The following PALS2 variants were observed in gnomAD, a reference collection of about 807,000 sequenced individuals.
PALS2 encodes protein associated with LIN7 2, MAGUK p55 family member.
Under a neutral mutation model 61.6 loss-of-function variants are expected in PALS2, and 27 were observed. The ratio of observed to expected loss-of-function variants is 0.44; its 90% CI spans 0.32 to 0.60. The LOEUF (loss-of-function observed/expected upper bound fraction) is 0.60, where lower values mean the gene tolerates loss of function less well. Ranked by LOEUF, PALS2 falls within the 20% of genes least tolerant of loss-of-function variation. PALS2 has a pLI of 0.05. For missense variants in PALS2, 554 were observed against 639.4 expected (o/e 0.87, Z 1.44); for synonymous variants, 236 against 218.6 (o/e 1.08, Z -0.70).
chr7:24,614,803 A>C (rs1485542063), intron 1 of PALS2, among the ~76,000 whole-genome samples: 1 of 151,962 alleles, frequency 6.6e-6, no homozygotes, highest in African/African-American at 2.4e-5. Flanking sequence ...TCAGCACATG[A>C]AACATTTTCT....
chr7:24,581,560 G>A (rs1467203029), intron 1 of PALS2, among the ~76,000 whole-genome samples: 1 of 152,150 alleles, frequency 6.6e-6, no homozygotes, highest in African/African-American at 2.4e-5. Context: ...TTCTAAGTCA[G>A]TATTTCTCAA....
chr7:24,678,390 A>G (rs1466626672), intron 9 of PALS2, among the ~76,000 whole-genome samples: 5 of 152,194 alleles, frequency 3.3e-5, no homozygotes, highest in African/African-American at 1.2e-4. Context: ...ATAGACCATA[A>G]TAATAATGAG....
chr7:24,685,056 T>C (rs939222758), intron 11 of PALS2, among the ~76,000 whole-genome samples: 1 of 152,090 alleles, frequency 6.6e-6, no homozygotes, highest in Non-Finnish European at 1.5e-5. Flanking sequence ...CAACCCATCA[T>C]CTAGGTATTT....
At position 24,618,182 on chromosome 7, in the gene PALS2, A is replaced by G. The variant is rs552440056; in HGVS notation, c.-2-5484A>G. ...CACCATGGGGACATGTCAGCTGCTC[A>G]GTTGCTCAGGGACCTCTGCTGCTCA... is the stretch of plus-strand genomic sequence containing the variant. On this transcript the variant is annotated intron_variant, in intron 1 of 11. Transcript: ENST00000222644. The surrounding 1 kb of genome is among the most constrained non-coding windows in gnomAD (Gnocchi z 5.1). Among the ~76,000 whole-genome samples the G allele has an allele frequency of 1.3e-5, 2 of 152,166 alleles. No individual in the cohort carries two copies. Among genetic ancestry groups the G allele is most frequent in the Non-Finnish European group, 2.9e-5 (2 of 68,016 alleles).
chr7:24,676,255 A>G (rs1562660262), intron 9 of PALS2, among the ~76,000 whole-genome samples: 1 of 151,554 alleles, frequency 6.6e-6, no homozygotes, highest in Non-Finnish European at 1.5e-5. Context: ...GTTTGAGTTC[A>G]TTGTAGATTC....
chr7:24,599,717 C>T (rs1783649102), intron 1 of PALS2, among the ~76,000 whole-genome samples: 1 of 151,848 alleles, frequency 6.6e-6, no homozygotes, highest in Non-Finnish European at 1.5e-5. Context: ...GTTGGCCAGG[C>T]TGGTCTTGAA....
intron 1 of PALS2, among the ~76,000 whole-genome samples, chr7:24,581,579 G>A (rs1782847756): frequency 6.6e-6 from 1 of 152,158 alleles, no homozygotes; most frequent in Non-Finnish European, 1.5e-5. Flanking sequence ...AATCAGGGAT[G>A]ATTTTGCTGA....
intron 1 of PALS2, among the ~76,000 whole-genome samples, chr7:24,601,193 A>G (rs762911751): frequency 2.1e-4 from 32 of 152,058 alleles, no homozygotes; most frequent in Non-Finnish European, 4.6e-4. Context: ...TACTCTTCCA[A>G]TCCCTCAGTT....
chr7:24,619,022 G>T (rs1784394933), intron 1 of PALS2, among the ~76,000 whole-genome samples: 1 of 152,180 alleles, frequency 6.6e-6, no homozygotes, highest in Admixed American at 6.5e-5. Context: ...GAAAAAGCCA[G>T]CTATTTACTG....
In PALS2 at chr7:24,665,695, G is replaced by A. The variant is rs979028405; in HGVS notation, c.883+8G>A. On this transcript the variant is annotated splice_region_variant and intron_variant, in intron 7 of 11. Coordinates refer to ENST00000222644, the MANE Select transcript of PALS2 (RefSeq NM_001303037.2). ...GAGACTGGGACAATTCAGGTGATGA[G>A]CTCGACACAATAAGTAACAAGCAGT... 1.9e-6 allele frequency: 3 copies of A among 1,608,438 alleles called. No individual in the cohort carries two copies. Among genetic ancestry groups the A allele is most frequent in the Admixed American group, 3.3e-5 (2 of 59,960 alleles).
chr7:24,578,175 T>A (rs1290603973), intron 1 of PALS2, among the ~76,000 whole-genome samples: 1 of 152,106 alleles, frequency 6.6e-6, no homozygotes, highest in Non-Finnish European at 1.5e-5. Flanking sequence ...GCTCTCAAAC[T>A]CCTGATCTCA....
intron 9 of PALS2, among the ~76,000 whole-genome samples, chr7:24,673,755 A>T: frequency 6.6e-6 from 1 of 150,624 alleles, no homozygotes; most frequent in Non-Finnish European, 1.5e-5. Flanking sequence ...GCCTTTGCTG[A>T]TTTTCTGTAT....
chr7:24,640,068 T>G (rs1326872572), intron 2 of PALS2, among the ~76,000 whole-genome samples: 1 of 152,060 alleles, frequency 6.6e-6, no homozygotes, highest in Non-Finnish European at 1.5e-5. Context: ...CTGCCCATCT[T>G]GGCCTCCCAA....
rs190185559 is a variant in PALS2, at chr7:24,681,112, G to A, written c.1446+592G>A. On this transcript the variant is annotated intron_variant, in intron 11 of 11. Transcript: ENST00000222644. The stretch of plus-strand genomic sequence containing the variant: ...TTGAACGCCTTCATTTTACTAGTGG[G>A]GTAACTGGGCTCCGAGATCATTAAC... 3.9e-3 allele frequency among the ~76,000 whole-genome samples: 587 copies of A among 151,936 alleles called. 3 individuals carry two copies. The highest frequency in any genetic ancestry group is 0.031 in the Middle Eastern group (9 of 294).
chr7:24,580,228 C>A (rs1431159564), intron 1 of PALS2, among the ~76,000 whole-genome samples: 1 of 152,124 alleles, frequency 6.6e-6, no homozygotes, highest in Non-Finnish European at 1.5e-5. Context: ...TGAAGTGACT[C>A]TGGCAGGGAT....
intron 3 of PALS2, among the ~76,000 whole-genome samples, chr7:24,645,879 A>G (rs936584705): frequency 1.6e-4 from 25 of 152,114 alleles, no homozygotes; most frequent in African/African-American, 5.8e-4. Context: ...TTTTGTGGCA[A>G]TTGTGAATGG....
intron 10 of PALS2, 61 bp from the exon 11 acceptor site, chr7:24,680,331 G>C: frequency 6.6e-7 from 1 of 1,523,992 alleles, no homozygotes; most frequent in Non-Finnish European, 9.1e-7. Context: ...ATATACTAAA[G>C]GGTAGCAGAA....
At position 24,650,686 on chromosome 7, in the gene PALS2, T is replaced by C; in HGVS notation, c.625T>C (p.Tyr209His). The stretch of plus-strand genomic sequence containing the variant: ...TGTCACCCTAAAAATCTTACCAAGT[T>C]ATAGAGATACCATTACTCCTCAACA... ...GSVTLKILPSYRDTITPQQVF... is the reference protein window; with the variant it reads ...GSVTLKILPSHRDTITPQQVF... The change falls in exon 5 of 12, where the codon TAT (tyrosine) becomes CAT (histidine). Residue 209 changes from tyrosine (Y) to histidine (H), a missense_variant. By Grantham distance (83) the Tyr-to-His change is moderately conservative. Transcript: ENST00000222644. 1 of 1,598,946 alleles carries C rather than the reference T, an allele frequency of 6.3e-7. No individual in the cohort carries two copies. Among genetic ancestry groups the C allele is most frequent in the Middle Eastern group, 1.7e-4 (1 of 6,028 alleles).
intron 1 of PALS2, among the ~76,000 whole-genome samples, chr7:24,591,235 A>G (rs926518111): frequency 2.0e-5 from 3 of 152,108 alleles, no homozygotes; most frequent in Non-Finnish European, 2.9e-5. Flanking sequence ...ATCAATGTAA[A>G]TACCTTTCCA....
Sources: gnomAD v4.1 joint callset for allele counts (sites outside exome capture counted in the v4.1 genomes callset) on GRCh38, gnomAD v4.1.1 for gene constraint, Gnocchi (gnomAD v3.1) non-coding constraint, MANE v1.5 for transcripts, NCBI Gene and HGNC (gene_info 2026-07-23, HGNC 2026-07-21) for gene names.